Variants in SEPTIN10 observed in about 807,000 individuals in gnomAD.
SEPTIN10 encodes septin 10.
In SEPTIN10, 66 loss-of-function variants were observed where a neutral mutation model predicts 54.8. The observed-to-expected ratio is 1.21, with a 90% CI of 0.99 to 1.48. The LOEUF is 1.48. Among genes scored for constraint, SEPTIN10 ranks in the 40% most tolerant of loss-of-function variants. SEPTIN10 has a pLI of 0.00. For missense variants in SEPTIN10, 620 were observed against 545.6 expected, an observed-to-expected ratio of 1.14 and a Z score of -1.36; for synonymous variants, 161 against 181.0, an observed-to-expected ratio of 0.89 and a Z score of 0.89.
intron 8 of SEPTIN10, among the ~76,000 whole-genome samples, chr2:109,553,875 C>A (rs939290069): frequency 1.5e-4 from 22 of 150,680 alleles, no homozygotes; most frequent in African/African-American, 4.4e-4. Flanking sequence ...AAAAGTGATA[C>A]AATAAACTTT....
chr2:109,564,973 C>G (rs1200275040), intron 7 of SEPTIN10, among the ~76,000 whole-genome samples: 1 of 152,116 alleles, frequency 6.6e-6, no homozygotes, highest in African/African-American at 2.4e-5. Context: ...TCCTTCCCTG[C>G]TATAATTATC....
chr2:109,555,442 ACTT>A (rs1558719546), intron 8 of SEPTIN10, among the ~76,000 whole-genome samples: 1 of 152,062 alleles, frequency 6.6e-6, no homozygotes, highest in Non-Finnish European at 1.5e-5. Context: ...TTCACATGTA[ACTT>A]CTTCTGTAAA....
At chr2:109,568,994 A>G (rs996475607) in intron 5 of SEPTIN10, among the ~76,000 whole-genome samples, 6 of 152,240 alleles carry the variant, frequency 3.9e-5, no homozygotes, top group Admixed American at 1.3e-4. Flanking sequence ...TATAAGATTA[A>G]TATCCCCACA....
At chr2:109,572,151 G>A (rs1291003651) in intron 5 of SEPTIN10, among the ~76,000 whole-genome samples, 1 of 151,906 alleles carries the variant, frequency 6.6e-6, no homozygotes, top group Admixed American at 6.6e-5. Context: ...TGTTTTTTGA[G>A]ATGGAGTCTC....
chr2:109,589,491 C>T (rs1693443613), intron 2 of SEPTIN10, among the ~76,000 whole-genome samples: 1 of 152,028 alleles, frequency 6.6e-6, no homozygotes, highest in South Asian at 2.1e-4. Flanking sequence ...GATCCTGCCA[C>T]TGTGCTCCAG....
At chr2:109,571,572 A>G (rs1030303191) in intron 5 of SEPTIN10, among the ~76,000 whole-genome samples, 1 of 152,232 alleles carries the variant, frequency 6.6e-6, no homozygotes, top group Non-Finnish European at 1.5e-5. Flanking sequence ...GAAACATATA[A>G]TACAGTACAG....
intron 1 of SEPTIN10, among the ~76,000 whole-genome samples, chr2:109,606,371 C>T (rs368697247): frequency 9.2e-5 from 14 of 152,242 alleles, no homozygotes; most frequent in African/African-American, 3.1e-4. Flanking sequence ...GCCAACACTG[C>T]ACCACTGCAT....
intron 5 of SEPTIN10, among the ~76,000 whole-genome samples, chr2:109,573,255 C>T (rs566295577): frequency 1.3e-5 from 2 of 152,274 alleles, no homozygotes; most frequent in East Asian, 3.9e-4. Flanking sequence ...GATCAGACAG[C>T]TAATAAATGA....
chr2:109,545,149 G>C (rs1010597729), intron 10 of SEPTIN10: 22 of 985,210 alleles, frequency 2.2e-5, no homozygotes, highest in Non-Finnish European at 4.8e-6. Context: ...GGGAACATGG[G>C]AGCATGCAAC....
At chr2:109,565,611 A>C (rs1686797307) in intron 7 of SEPTIN10, 152 bp downstream of exon 7, 8 of 665,608 alleles carry the variant, frequency 1.2e-5, no homozygotes, top group Non-Finnish European at 1.9e-5. Context: ...GAGGCTCTAC[A>C]CGGCCTCCAG....
intron 1 of SEPTIN10, among the ~76,000 whole-genome samples, chr2:109,611,607 A>C (rs532352701): frequency 6.6e-6 from 1 of 152,008 alleles, no homozygotes; most frequent in East Asian, 1.9e-4. Flanking sequence ...AAAAATACAA[A>C]AATTTAGCCG....
At position 109,613,920 on chromosome 2, in the gene SEPTIN10, G is replaced by T; in HGVS notation, c.-93C>A. The T allele has an allele frequency of 8.2e-7, 1 of 1,220,252 alleles. No homozygotes were observed. Among genetic ancestry groups the T allele is most frequent in the Non-Finnish European group, 1.0e-6 (1 of 980,788 alleles). The allele number at this position is 1,220,252 out of a possible 1,614,324, so 75.6% of individuals were successfully genotyped here. ...GCGGCGGGAAGGCCGGAGGGCAGAA[G>T]CAACGGGCGGGGCGCGAGGCTAGGC... On this transcript the variant is annotated 5_prime_UTR_variant, in exon 1 of 11. Transcript: ENST00000397712.
At chr2:109,585,618 G>T in intron 3 of SEPTIN10, 103 bp downstream of exon 3, 1 of 868,816 alleles carries the variant, frequency 1.2e-6, no homozygotes, top group Non-Finnish European at 1.9e-6. Context: ...CTGGGATCAT[G>T]ATTTCAAATT....
chr2:109,558,752 AAGG>A (rs2104972183), intron 8 of SEPTIN10, among the ~76,000 whole-genome samples: 1 of 152,178 alleles, frequency 6.6e-6, no homozygotes, highest in Admixed American at 6.5e-5. Context: ...CAGTCACATA[AAGG>A]TCACCCAACA....
intron 4 of SEPTIN10, among the ~76,000 whole-genome samples, chr2:109,580,643 AGCC>A (rs2105637631): frequency 6.6e-6 from 1 of 152,340 alleles, no homozygotes; most frequent in African/African-American, 2.4e-5. Flanking sequence ...AGAAAAATAA[AGCC>A]TGTCTTCAGT....
At chr2:109,590,305 A>G (rs1185739491) in intron 2 of SEPTIN10, among the ~76,000 whole-genome samples, 1 of 151,990 alleles carries the variant, frequency 6.6e-6, no homozygotes, top group Admixed American at 6.6e-5. Context: ...CCAGTTATTA[A>G]ATCAAACGCT....
At chr2:109,589,170 T>C (rs1323727609) in intron 2 of SEPTIN10, among the ~76,000 whole-genome samples, 1 of 151,784 alleles carries the variant, frequency 6.6e-6, no homozygotes, top group African/African-American at 2.4e-5. Context: ...TGAGATGGAG[T>C]CTCACTCTGT....
intron 9 of SEPTIN10, among the ~76,000 whole-genome samples, chr2:109,550,001 G>A (rs574849815): frequency 8.5e-5 from 13 of 152,190 alleles, no homozygotes; most frequent in African/African-American, 2.6e-4. Flanking sequence ...TTAAGGACAC[G>A]ACACATTCTC....
At chr2:109,607,424 G>C (rs960134314) in intron 1 of SEPTIN10, among the ~76,000 whole-genome samples, 28 of 152,034 alleles carry the variant, frequency 1.8e-4, no homozygotes, top group African/African-American at 6.8e-4. Flanking sequence ...ATTCTCAATG[G>C]GGGCAGTACC....
Sources: gnomAD v4.1 joint callset for allele counts (sites outside exome capture counted in the v4.1 genomes callset) on GRCh38, gnomAD v4.1.1 for gene constraint, MANE v1.5 for transcripts, NCBI Gene and HGNC (gene_info 2026-07-23, HGNC 2026-07-21) for gene names.